Variants in XDH observed in about 807,000 individuals in gnomAD.
XDH encodes the protein xanthine dehydrogenase.
In XDH, 138 loss-of-function variants were observed where a neutral mutation model predicts 156.1. The ratio of observed to expected loss-of-function variants is 0.88; its 90% CI spans 0.77 to 1.02. The LOEUF is 1.02. Among genes scored for constraint, XDH ranks in the 50% least tolerant of loss-of-function variants. The pLI is 0.00. For missense variants in XDH, 1,849 were observed against 1,684.9 expected, an observed-to-expected ratio of 1.10 and a Z score of -1.71; for synonymous variants, 669 against 625.7, an observed-to-expected ratio of 1.07 and a Z score of -1.03.
chr2:31,412,728 A>G (rs111726303), intron 1 of XDH, among the ~76,000 whole-genome samples: 61 of 152,338 alleles, frequency 4.0e-4, no homozygotes, highest in African/African-American at 1.4e-3. Flanking sequence ...CTGAATAAAA[A>G]TGAGGACAAC....
At chr2:31,384,674 C>T (rs547844107) in intron 9 of XDH, among the ~76,000 whole-genome samples, 9 of 152,240 alleles carry the variant, frequency 5.9e-5, no homozygotes, top group East Asian at 1.9e-4. Context: ...GACCTCTTTG[C>T]CCCCCCTTCC....
Position 31,401,874 on chromosome 2 carries a change from C to T in XDH, c.198-546G>A, listed in dbSNP as rs1207660642. On this transcript the variant is annotated intron_variant, in intron 3 of 35. Coordinates refer to ENST00000379416, the MANE Select transcript of XDH (RefSeq NM_000379.4). ...CTGTTATTCATCACTCATTCACTTA[C>T]ATTCAGCATCAGTTATTGAGTGCCA... Among the ~76,000 whole-genome samples the T allele has an allele frequency of 2.6e-5, 4 of 152,344 alleles. No individual in the cohort carries two copies. The East Asian group carries it at 5.8e-4, about 22-fold the overall frequency.
At chr2:31,358,218 G>T (rs529600002) in intron 24 of XDH, among the ~76,000 whole-genome samples, 1 of 152,166 alleles carries the variant, frequency 6.6e-6, no homozygotes, top group South Asian at 2.1e-4. Flanking sequence ...AAATGTAAAA[G>T]AACAGAAATT....
At chr2:31,343,308 A>ATATATACATGTT (rs1685179245) in intron 31 of XDH, among the ~76,000 whole-genome samples, 1 of 98,490 alleles carries the variant, frequency 1.0e-5, no homozygotes, top group African/African-American at 4.7e-5. Context: ...ATATATATAT[A>ATATATACATGTT]TATATATATA....
In XDH at chr2:31,367,750, G is replaced by A. The variant is rs45462299; in HGVS notation, c.2197+211C>T. Among the ~76,000 whole-genome samples the A allele has an allele frequency of 0.031, 4,642 of 152,160 alleles. 218 individuals are homozygous for A. The highest frequency in any genetic ancestry group is 0.1 in the African/African-American group (4,336 of 41,500). On this transcript the variant is annotated intron_variant, in intron 20 of 35. Coordinates refer to ENST00000379416, the MANE Select transcript of XDH (RefSeq NM_000379.4). ...TCTAGAATCTCTCTAGAATCATTAG[G>A]TCCAGCCTAGAGACAGGAGAGTAGA...
In XDH at chr2:31,379,942, G is replaced by T; in HGVS notation, c.1167C>A (p.Phe389Leu). Residue 389 changes from phenylalanine to leucine, a missense_variant, in exon 13 of 36, where the codon TTC (phenylalanine) becomes TTA (leucine). Transcript: ENST00000379416. ...TRRTVQMDHTFFPGYRKTLLS... is the reference protein window; with the variant it reads ...TRRTVQMDHTLFPGYRKTLLS... ...GCAGGGTCTTTCTGTAGCCAGGGAA[G>T]AAGGTGTGGTCCATCTGGACAGTTC... is the stretch of plus-strand genomic sequence containing the variant. 1.9e-6 allele frequency: 3 copies of T among 1,614,120 alleles called. No individual in the cohort carries two copies. Among genetic ancestry groups the T allele is most frequent in the Non-Finnish European group, 2.5e-6 (3 of 1,180,028 alleles).
chr2:31,380,642 A>G (rs1295697510), intron 12 of XDH, among the ~76,000 whole-genome samples: 1 of 152,248 alleles, frequency 6.6e-6, no homozygotes, highest in Non-Finnish European at 1.5e-5. Flanking sequence ...CTCCACTGGG[A>G]GAAGTCTCTG....
At chr2:31,367,045 C>A in intron 20 of XDH, 51 bp from the exon 21 acceptor site, 1 of 1,613,502 alleles carries the variant, frequency 6.2e-7, no homozygotes, top group African/African-American at 1.3e-5. Flanking sequence ...GCAGAAGGGG[C>A]CAGCTTGCCT....
chr2:31,384,152 G>GTGTGTGTGTA, intron 9 of XDH: 1 of 389,724 alleles, frequency 2.6e-6, no homozygotes, highest in Non-Finnish European at 4.9e-6. Flanking sequence ...GTGTGTGTGT[G>GTGTGTGTGTA]TGTTTGTGTA....
chr2:31,401,298 G>A lies in XDH; in HGVS notation c.228C>T (p.Pro76=), dbSNP rs1202209589. ...VHFSANACLA[P]ICSLHHVAVT... ...CTGCAACATGGTGCAAGGAGCAGAT[G>A]GGGGCCAGGCAGGCATTGGCAGAAA... The change falls in exon 4 of 36, where the codon CCC becomes CCT. Residue 76 remains proline (P), a synonymous_variant. Transcript: ENST00000379416. 1 of 1,614,184 alleles carries A rather than the reference G, an allele frequency of 6.2e-7. No homozygotes were observed. The highest frequency in any genetic ancestry group is 8.5e-7 in the Non-Finnish European group (1 of 1,180,032).
In XDH at chr2:31,383,774, C is replaced by T. The variant is rs749391188; in HGVS notation, c.867G>A (p.Ser289=). Residue 289 remains serine, a synonymous_variant, in exon 10 of 36, where the codon TCG becomes TCA. Coordinates refer to ENST00000379416, the MANE Select transcript of XDH (RefSeq NM_000379.4). ...VCPAWIPELN[S]VEHGPDGISF... ...TCTTACCGTCGGGTCCATGTTCTAC[C>T]GAATTCAGCTCAGGGATCCAGGCTG... 4.7e-5 allele frequency: 76 copies of T among 1,613,896 alleles called. No individual in the cohort carries two copies. Among genetic ancestry groups the T allele is most frequent in the Non-Finnish European group, 5.5e-5 (65 of 1,180,012 alleles).
At chr2:31,391,651 T>C (rs1395753898) in intron 6 of XDH, among the ~76,000 whole-genome samples, 1 of 152,224 alleles carries the variant, frequency 6.6e-6, no homozygotes, top group Non-Finnish European at 1.5e-5. Flanking sequence ...TCCATTTGTT[T>C]AGTTCTTTGA....
chr2:31,365,682 T>A, intron 22 of XDH, 138 bp from the exon 23 acceptor site: 2 of 1,093,224 alleles, frequency 1.8e-6, no homozygotes, highest in South Asian at 2.6e-5. Context: ...TGCTTTGCCA[T>A]CTAGGCACTG....
At chr2:31,346,475 G>A (rs1685296630) in intron 30 of XDH, among the ~76,000 whole-genome samples, 1 of 152,142 alleles carries the variant, frequency 6.6e-6, no homozygotes, top group Admixed American at 6.5e-5. Flanking sequence ...ATGTTCAGCA[G>A]GCACCCATCC....
intron 8 of XDH, among the ~76,000 whole-genome samples, chr2:31,386,811 G>A (rs375891447): frequency 6.6e-6 from 1 of 151,842 alleles, no homozygotes; most frequent in South Asian, 2.1e-4. Flanking sequence ...AGGAGGTTAT[G>A]GGACCTGCTG....
chr2:31,351,234 C>T (rs1197437651), intron 24 of XDH, among the ~76,000 whole-genome samples: 1 of 152,162 alleles, frequency 6.6e-6, no homozygotes, highest in Non-Finnish European at 1.5e-5. Flanking sequence ...AGTTACATTA[C>T]AATTTCTTCT....
rs1054889 is a variant in XDH, at chr2:31,334,442, G to A, written c.*1516C>T. 0.41 allele frequency: 62,175 copies of A among 152,058 alleles called. 14,475 individuals carry two copies. Among genetic ancestry groups the A allele is most frequent in the East Asian group, 0.58 (3,008 of 5,158 alleles). 9.4% of individuals were successfully genotyped at this position (152,058 alleles called of 1,614,324 possible). On this transcript the variant is annotated 3_prime_UTR_variant, in exon 36 of 36. Coordinates refer to ENST00000379416, the MANE Select transcript of XDH (RefSeq NM_000379.4). ...TGGCAGAAGGTTGGATTTATACAGT[G>A]AAGGCATGTGACAGTGACACATTGT...
At chr2:31,354,840 G>C (rs1039400587) in intron 24 of XDH, among the ~76,000 whole-genome samples, 1 of 152,126 alleles carries the variant, frequency 6.6e-6, no homozygotes, top group Non-Finnish European at 1.5e-5. Context: ...TGGAAGAAAA[G>C]GAGAAAAAGA....
chr2:31,399,338 C>G (rs1056506440), intron 4 of XDH, among the ~76,000 whole-genome samples: 1 of 152,030 alleles, frequency 6.6e-6, no homozygotes, highest in African/African-American at 2.4e-5. Flanking sequence ...GGGAGGGGCC[C>G]AGGTCAGGGC....
Sources: allele counts gnomAD v4.1 joint callset (sites outside exome capture counted in the v4.1 genomes callset), GRCh38; gene constraint gnomAD v4.1.1; transcripts MANE v1.5; gene names NCBI Gene and HGNC (gene_info 2026-07-23, HGNC 2026-07-21).